Variants in MACROD1 observed in about 807,000 individuals in gnomAD.
MACROD1 encodes mono-ADP ribosylhydrolase 1.
In MACROD1, 31 loss-of-function variants were observed where a neutral mutation model predicts 41.4. The ratio of observed to expected loss-of-function variants is 0.75; its 90% CI spans 0.56 to 1.01. The LOEUF is 1.01. Among genes scored for constraint, MACROD1 ranks in the 50% least tolerant of loss-of-function variants. The pLI, the probability that MACROD1 is intolerant of heterozygous loss-of-function variation, is 0.00. For missense variants in MACROD1, 473 were observed against 460.0 expected (o/e 1.03, Z -0.26); for synonymous variants, 252 against 203.4 (o/e 1.24, Z -2.03).
chr11:64,059,464 T>C (rs565082580), intron 3 of MACROD1, among the ~76,000 whole-genome samples: 2 of 152,238 alleles, frequency 1.3e-5, no homozygotes, highest in East Asian at 3.9e-4. Context: ...GGCCCACCTG[T>C]TCTGAGAGGG....
intron 3 of MACROD1, among the ~76,000 whole-genome samples, chr11:64,089,860 T>C (rs1438894904): frequency 6.6e-6 from 1 of 152,118 alleles, no homozygotes; most frequent in African/African-American, 2.4e-5. Context: ...AGGAGGATGA[T>C]GGTGCTGGAG....
At chr11:64,025,818 CA>C (rs1310874759) in intron 3 of MACROD1, among the ~76,000 whole-genome samples, 1 of 151,438 alleles carries the variant, frequency 6.6e-6, no homozygotes, top group Non-Finnish European at 1.5e-5. Flanking sequence ...CTCCCGGGCT[CA>C]AGAGATCCTT....
intron 4 of MACROD1, among the ~76,000 whole-genome samples, chr11:64,006,547 G>A (rs904126576): frequency 3.9e-5 from 6 of 152,204 alleles, no homozygotes; most frequent in Non-Finnish European, 8.8e-5. Context: ...AAACATTAGG[G>A]CTTCATTATG....
chr11:64,058,154 T>C (rs74909261), intron 3 of MACROD1, among the ~76,000 whole-genome samples: 4,132 of 152,370 alleles, frequency 0.027, 89 homozygotes, highest in Middle Eastern at 0.051. Context: ...GTTTCTGGGA[T>C]AGACGGTGGA....
chr11:64,114,011 CATGGATGG>C (rs140487195), intron 3 of MACROD1, among the ~76,000 whole-genome samples: 21,954 of 95,434 alleles, frequency 0.23, 1,972 homozygotes, highest in Admixed American at 0.37. Context: ...CAGGTGGATG[CATGGATGG>C]ATGGATGGAT....
At position 64,121,903 on chromosome 11, in the gene MACROD1, G is replaced by A. The variant is rs185540652; in HGVS notation, c.517+29336C>T. 2.9e-3 allele frequency among the ~76,000 whole-genome samples: 441 copies of A among 151,878 alleles called. 2 individuals carry two copies. The highest frequency in any genetic ancestry group is 8.5e-3 in the African/African-American group (353 of 41,380). On this transcript the variant is annotated intron_variant, in intron 3 of 10. Transcript: ENST00000255681. ...TCTTTGGTTAAGTGGTTTACCCTTC[G>A]TGGTAATTAGATGTAGTGATTGGAA...
chr11:64,117,133 C>T lies in MACROD1; in HGVS notation c.517+34106G>A, dbSNP rs757875522. ...GCCATCAGCCACATCCCCTACAACA[C>T]GCTGGCCAAGATGCGTGAGCTGGAG... is the stretch of plus-strand genomic sequence containing the variant. On this transcript the variant is annotated intron_variant, in intron 3 of 10. Transcript: ENST00000255681. The T allele has an allele frequency of 1.1e-5, 18 of 1,612,630 alleles. No homozygotes were observed. Among genetic ancestry groups the T allele is most frequent in the East Asian group, 2.2e-5 (1 of 44,832 alleles).
At chr11:64,118,559 G>A (rs1945039614) in intron 3 of MACROD1, 2 of 408,636 alleles carry the variant, frequency 4.9e-6, no homozygotes, top group African/African-American at 4.0e-5. Context: ...GGGAGGGAAG[G>A]ACTAAAAATA....
In MACROD1 at chr11:64,132,282, C is replaced by G. The variant is rs1169276352; in HGVS notation, c.517+18957G>C. Among the ~76,000 whole-genome samples, 3 of 152,044 alleles carry G rather than the reference C, an allele frequency of 2.0e-5. No homozygotes were observed. In the East Asian group the frequency reaches 5.8e-4, roughly 29 times the overall value. On this transcript the variant is annotated intron_variant, in intron 3 of 10. Coordinates refer to ENST00000255681, the MANE Select transcript of MACROD1 (RefSeq NM_014067.4). ...GGGATTAAGCCTATTATGGAGGCTC[C>G]CGGGGCTTATCTGATGCCTTTCTCC...
Position 64,017,120 on chromosome 11 carries a change from C to A in MACROD1, c.518-1839G>T, listed in dbSNP as rs575199385. ...GAGTAGCTGGGACTACAGGCATGCG[C>A]CACCACACCCGGCTAATTTTTTGTA... On this transcript the variant is annotated intron_variant, in intron 3 of 10. Coordinates refer to ENST00000255681, the MANE Select transcript of MACROD1 (RefSeq NM_014067.4). Among the ~76,000 whole-genome samples, 19 of 152,286 alleles carry A rather than the reference C, an allele frequency of 1.2e-4. No individual in the cohort carries two copies. The East Asian group carries it at 3.7e-3, about 29-fold the overall frequency.
intron 3 of MACROD1, among the ~76,000 whole-genome samples, chr11:64,139,866 G>A (rs1447029039): frequency 7.9e-5 from 12 of 151,722 alleles, no homozygotes; most frequent in Admixed American, 7.9e-4. Flanking sequence ...TGAGGCAGGA[G>A]AATAGCATGA....
chr11:64,070,315 TCC>T (rs1944083520), intron 3 of MACROD1, among the ~76,000 whole-genome samples: 1 of 152,064 alleles, frequency 6.6e-6, no homozygotes, highest in African/African-American at 2.4e-5. Context: ...CTCCTCATGT[TCC>T]CTGGGGGCCT....
rs1945841069 is a variant in MACROD1, at chr11:64,166,068, T to C, written c.-74A>G. The C allele has an allele frequency of 1.6e-6, 2 of 1,232,592 alleles. No homozygotes were observed. The highest frequency in any genetic ancestry group is 2.0e-6 in the Non-Finnish European group (2 of 988,394). The allele number at this position is 1,232,592 out of a possible 1,614,324, so 76.4% of individuals were successfully genotyped here. On this transcript the variant is annotated 5_prime_UTR_variant, in exon 1 of 11. Transcript: ENST00000255681. ...GCGCTCGGGAGTGTCTCTCCCTTAT[T>C]TACTCTGGGACCGGGTGGCGACTGC...
intron 3 of MACROD1, among the ~76,000 whole-genome samples, chr11:64,068,541 C>G (rs972992428): frequency 6.6e-6 from 1 of 152,260 alleles, no homozygotes; most frequent in African/African-American, 2.4e-5. Flanking sequence ...CACATATTTA[C>G]TGCCGATTAC....
At chr11:64,151,501 C>G in intron 2 of MACROD1, 146 bp from the exon 3 acceptor site, 3 of 628,050 alleles carry the variant, frequency 4.8e-6, no homozygotes, top group Non-Finnish European at 2.8e-6. Context: ...GACCCAGTAC[C>G]AGGAACCCAC....
intron 3 of MACROD1, among the ~76,000 whole-genome samples, chr11:64,124,750 G>A (rs577178057): frequency 3.3e-5 from 5 of 152,006 alleles, no homozygotes; most frequent in South Asian, 2.1e-4. Flanking sequence ...GTGCAATCTC[G>A]GCTCACCGCA....
intron 3 of MACROD1, among the ~76,000 whole-genome samples, chr11:64,140,666 A>T (rs1486325677): frequency 6.6e-6 from 1 of 152,212 alleles, no homozygotes; most frequent in African/African-American, 2.4e-5. Flanking sequence ...AGCATCCTAC[A>T]CAAGCAGTCT....
At chr11:64,011,287 T>C (rs917254234) in intron 4 of MACROD1, among the ~76,000 whole-genome samples, 2 of 149,656 alleles carry the variant, frequency 1.3e-5, no homozygotes, top group Non-Finnish European at 1.5e-5. Flanking sequence ...GGCATGCTGG[T>C]TGGGGTGTTG....
chr11:64,007,978 C>T (rs1279099019), intron 4 of MACROD1, among the ~76,000 whole-genome samples: 1 of 152,250 alleles, frequency 6.6e-6, no homozygotes, highest in Non-Finnish European at 1.5e-5. Context: ...GCGGCCGGAG[C>T]TGAGCCTTTT....
Sources: allele counts gnomAD v4.1 joint callset (sites outside exome capture counted in the v4.1 genomes callset), GRCh38; gene constraint gnomAD v4.1.1; transcripts MANE v1.5; gene names NCBI Gene and HGNC (gene_info 2026-07-23, HGNC 2026-07-21).